KIAA1549L: variants seen among roughly 807,000 people sequenced by gnomAD.
The protein encoded by KIAA1549L is UPF0606 protein KIAA1549L.
KIAA1549L carries 88 observed loss-of-function variants against 160.7 expected under a neutral mutation model. The ratio of observed to expected loss-of-function variants is 0.55; its 90% confidence interval spans 0.46 to 0.65. The LOEUF is 0.65. KIAA1549L is among the 30% of genes least tolerant of loss of function. KIAA1549L has a pLI of 0.00. For synonymous variants in KIAA1549L, 950 were observed against 976.7 expected (o/e 0.97, Z 0.51); for missense variants, 2,258 against 2,437.5 (o/e 0.93, Z 1.55).
intron 1 of KIAA1549L, among the ~76,000 whole-genome samples, chr11:33,419,688 A>G (rs1023293513): frequency 6.6e-6 from 1 of 152,074 alleles, no homozygotes; most frequent in Non-Finnish European, 1.5e-5. Context: ...TCCACTAAAA[A>G]ATACAAAAAT....
chr11:33,653,406 C>A (rs1851952243), intron 17 of KIAA1549L, among the ~76,000 whole-genome samples: 1 of 152,240 alleles, frequency 6.6e-6, no homozygotes, highest in African/African-American at 2.4e-5. Flanking sequence ...ATTGCTGACA[C>A]ACTTCTAGGT....
In KIAA1549L at chr11:33,422,850, G is replaced by A. The variant is rs142336461; in HGVS notation, c.238+45961G>A. Among the ~76,000 whole-genome samples the A allele has an allele frequency of 9.7e-4, 148 of 152,164 alleles. 1 individual carries two copies. Among genetic ancestry groups the A allele is most frequent in the African/African-American group, 3.4e-3 (143 of 41,508 alleles). ...TTTTAAGTGTTAAAAACTCAATGGCGTATCACACAAAATGGCACTGCCCTT... is the reference window on the plus strand; with the variant it reads ...TTTTAAGTGTTAAAAACTCAATGGCATATCACACAAAATGGCACTGCCCTT... On this transcript the variant is annotated intron_variant, in intron 1 of 20. Transcript: ENST00000658780.
chr11:33,664,264 G>T (rs1435900519), intron 20 of KIAA1549L, among the ~76,000 whole-genome samples: 1 of 152,184 alleles, frequency 6.6e-6, no homozygotes, highest in Non-Finnish European at 1.5e-5. Flanking sequence ...CTTAGAACTT[G>T]TCTGCTCCCT....
chr11:33,567,838 T>C (rs1012915102), intron 8 of KIAA1549L, among the ~76,000 whole-genome samples: 1 of 152,230 alleles, frequency 6.6e-6, no homozygotes, highest in Non-Finnish European at 1.5e-5. Context: ...CTGACTCTGC[T>C]GGTTGCTAGC....
chr11:33,379,410 C>T (rs528672705), intron 1 of KIAA1549L, among the ~76,000 whole-genome samples: 12 of 152,270 alleles, frequency 7.9e-5, no homozygotes, highest in East Asian at 7.7e-4. Flanking sequence ...CTTCCATCTC[C>T]GTCTTCCGTC....
intron 13 of KIAA1549L, among the ~76,000 whole-genome samples, chr11:33,605,150 T>TTTTTGTTTTGTTTTG (rs71457310): frequency 6.7e-6 from 1 of 149,812 alleles, no homozygotes; most frequent in South Asian, 2.1e-4. Flanking sequence ...AAGTCATGAG[T>TTTTTGTTTTGTTTTG]TTTTGTTTTG....
chr11:33,551,788 G>T (rs1854472105), intron 5 of KIAA1549L, among the ~76,000 whole-genome samples: 1 of 152,118 alleles, frequency 6.6e-6, no homozygotes, highest in African/African-American at 2.4e-5. Flanking sequence ...TCCCTCCAAA[G>T]AAATAGAAGG....
chr11:33,631,070 T>C (rs903452091), intron 16 of KIAA1549L, among the ~76,000 whole-genome samples: 2 of 152,224 alleles, frequency 1.3e-5, no homozygotes, highest in African/African-American at 4.8e-5. Context: ...CCTTCCTGTC[T>C]GTCCCACAGC....
intron 16 of KIAA1549L, among the ~76,000 whole-genome samples, chr11:33,631,370 A>C (rs193283810): frequency 4.2e-4 from 64 of 152,206 alleles, no homozygotes; most frequent in African/African-American, 1.4e-3. Flanking sequence ...TTTTGCATGC[A>C]TGCATCACTC....
chr11:33,451,217 G>T (rs1289911456), intron 1 of KIAA1549L, among the ~76,000 whole-genome samples: 2 of 152,148 alleles, frequency 1.3e-5, no homozygotes, highest in Non-Finnish European at 2.9e-5. Flanking sequence ...CCTACTATGT[G>T]CAACGCTGAG....
intron 1 of KIAA1549L, among the ~76,000 whole-genome samples, chr11:33,460,622 C>G (rs1001976071): frequency 3.3e-5 from 5 of 152,176 alleles, no homozygotes; most frequent in African/African-American, 9.7e-5. Flanking sequence ...TGTTTGTCTT[C>G]CTGGTACTTG....
rs1590324893 is a variant in KIAA1549L, at chr11:33,542,845, G to A, written c.1282G>A (p.Ala428Thr). ...PPLFQTAESG[A>T]IEMTSRKLAS... is the part of the protein sequence containing the mutation. The stretch of plus-strand genomic sequence containing the variant: ...ACTTTTCCAGACTGCAGAATCAGGG[G>A]CCATAGAAATGACCAGCAGAAAGCT... Residue 428 changes from alanine to threonine, a missense_variant, in exon 2 of 21, where the codon GCC becomes ACC. Ala to Thr is a moderately conservative substitution (Grantham distance 58). Coordinates refer to ENST00000658780, the MANE Select transcript of KIAA1549L (RefSeq NM_012194.3). The A allele has an allele frequency of 2.5e-6, 4 of 1,613,766 alleles. No homozygotes were observed. The East Asian group carries it at 6.7e-5, about 27-fold the overall frequency.
chr11:33,558,935 G>A (rs935263682), intron 6 of KIAA1549L, among the ~76,000 whole-genome samples: 1 of 151,592 alleles, frequency 6.6e-6, no homozygotes, highest in East Asian at 1.9e-4. Context: ...CTGGGTTCAA[G>A]CGATTCTCCT....
chr11:33,550,223 A>G (rs879369723), intron 4 of KIAA1549L, among the ~76,000 whole-genome samples: 3 of 152,010 alleles, frequency 2.0e-5, no homozygotes, highest in East Asian at 1.9e-4. Flanking sequence ...CACAATAAAA[A>G]CTTGGAAAAA....
chr11:33,487,553 G>A (rs1386089364), intron 1 of KIAA1549L, among the ~76,000 whole-genome samples: 2 of 152,046 alleles, frequency 1.3e-5, no homozygotes, highest in African/African-American at 4.8e-5. Flanking sequence ...CAGCTTTGGT[G>A]GCCATTCTTT....
Position 33,398,502 on chromosome 11 carries a change from C to A in KIAA1549L, c.238+21613C>A, listed in dbSNP as rs557583551. Among the ~76,000 whole-genome samples, 4 of 152,260 alleles carry A rather than the reference C, an allele frequency of 2.6e-5. No individual in the cohort carries two copies. In the East Asian group the frequency reaches 7.7e-4, roughly 29 times the overall value. On this transcript the variant is annotated intron_variant, in intron 1 of 20. Transcript: ENST00000658780. ...GTGATTGAACTCTCATGGTAAGGTG[C>A]AGATGGCATGAGCTATAGTAAAAGG... is the stretch of plus-strand genomic sequence containing the variant.
chr11:33,461,816 TGAGGCATC>T (rs1851947882), intron 1 of KIAA1549L, among the ~76,000 whole-genome samples: 1 of 152,192 alleles, frequency 6.6e-6, no homozygotes, highest in South Asian at 2.1e-4. Flanking sequence ...ATGTAGAAAT[TGAGGCATC>T]GAGAGATAGC....
chr11:33,623,454 A>ACCTT (rs1396439414), intron 16 of KIAA1549L, among the ~76,000 whole-genome samples: 1 of 152,182 alleles, frequency 6.6e-6, no homozygotes. Flanking sequence ...CATGAGCTAT[A>ACCTT]ATAACCCTGG....
intron 1 of KIAA1549L, among the ~76,000 whole-genome samples, chr11:33,443,829 A>G (rs1851557777): frequency 6.6e-6 from 1 of 152,160 alleles, no homozygotes; most frequent in Admixed American, 6.5e-5. Context: ...TACATCTCTA[A>G]TCTTGATGGA....
Sources: gnomAD v4.1 joint callset for allele counts (sites outside exome capture counted in the v4.1 genomes callset) on GRCh38, gnomAD v4.1.1 for gene constraint, MANE v1.5 for transcripts, NCBI Gene and HGNC (gene_info 2026-07-23, HGNC 2026-07-21) for gene names.